The following UBE2O variants were observed in gnomAD, a reference collection of about 807,000 sequenced individuals.
The protein encoded by UBE2O is ubiquitin conjugating enzyme E2 O, also known as (E3-independent) E2 ubiquitin-conjugating enzyme.
In UBE2O, 15 loss-of-function variants were observed where a neutral mutation model predicts 125.8. The ratio of observed to expected loss-of-function variants is 0.12; its 90% confidence interval spans 0.08 to 0.18. The LOEUF is 0.18. Ranked by LOEUF, UBE2O falls within the 10% of genes least tolerant of loss-of-function variation. The pLI is 1.00. For synonymous variants in UBE2O, 708 were observed against 703.2 expected (o/e 1.01, Z -0.11); for missense variants, 1,280 against 1,723.6 (o/e 0.74, Z 4.56).
chr17:76,443,861 G>A (rs766611334), intron 1 of UBE2O, among the ~76,000 whole-genome samples: 3 of 152,200 alleles, frequency 2.0e-5, no homozygotes, highest in African/African-American at 7.2e-5. Context: ...GAAGACAAAA[G>A]GCAAAAAAGA....
At chr17:76,450,205 G>C (rs2073216397) in intron 1 of UBE2O, among the ~76,000 whole-genome samples, 2 of 152,028 alleles carry the variant, frequency 1.3e-5, no homozygotes, top group South Asian at 4.1e-4. Context: ...CACCTTGATG[G>C]AATTCATAAG....
Position 76,428,893 on chromosome 17 carries a change from C to T in UBE2O, c.418-23321G>A, listed in dbSNP as rs191885174. 5.9e-5 allele frequency among the ~76,000 whole-genome samples: 9 copies of T among 151,718 alleles called. No individual in the cohort carries two copies. The East Asian group carries it at 1.4e-3, about 23-fold the overall frequency. On this transcript the variant is annotated intron_variant, in intron 1 of 17. Transcript: ENST00000319380. ...AAACTGCATGAAGGGTAGAGGGGAC[C>T]CCTCTACTATTTTTTTTTTTTTTTT...
intron 1 of UBE2O, among the ~76,000 whole-genome samples, chr17:76,418,061 T>A (rs1221556670): frequency 6.6e-6 from 1 of 152,164 alleles, no homozygotes; most frequent in African/African-American, 2.4e-5. Context: ...GTCACAGAGC[T>A]GGGACACGTG....
intron 1 of UBE2O, among the ~76,000 whole-genome samples, chr17:76,446,050 AG>A (rs2073145016): frequency 6.6e-6 from 1 of 152,254 alleles, no homozygotes; most frequent in South Asian, 2.1e-4. Context: ...TAAACTGGAA[AG>A]CACATTATAG....
chr17:76,401,268 C>A, intron 5 of UBE2O, 114 bp from the exon 6 acceptor site: 1 of 1,218,390 alleles, frequency 8.2e-7, no homozygotes, highest in South Asian at 1.5e-5. Context: ...CTCACACACA[C>A]GCCCCACACG....
intron 1 of UBE2O, among the ~76,000 whole-genome samples, chr17:76,449,565 ACT>A (rs1207541394): frequency 6.6e-6 from 1 of 151,738 alleles, no homozygotes; most frequent in Non-Finnish European, 1.5e-5. Context: ...ACAGAGAGAG[ACT>A]CTGTTTAAAA....
intron 1 of UBE2O, among the ~76,000 whole-genome samples, chr17:76,449,269 G>C (rs1427247347): frequency 6.6e-6 from 1 of 152,214 alleles, no homozygotes; most frequent in African/African-American, 2.4e-5. Context: ...ACATTAAATA[G>C]ATACTACTAA....
intron 1 of UBE2O, among the ~76,000 whole-genome samples, chr17:76,422,135 C>G (rs573389433): frequency 2.5e-4 from 38 of 152,294 alleles, no homozygotes; most frequent in African/African-American, 7.7e-4. Flanking sequence ...TGCTAAGTAA[C>G]CCCAAAATGC....
Position 76,399,198 on chromosome 17 carries a change from A to G in UBE2O, c.1629-207T>C. The G allele has an allele frequency of 1.3e-6, 1 of 758,398 alleles. No individual in the cohort carries two copies. Among genetic ancestry groups the G allele is most frequent in the South Asian group, 1.9e-5 (1 of 53,920 alleles). 47.0% of individuals were successfully genotyped at this position (758,398 alleles called of 1,614,324 possible). A position where few individuals can be genotyped will look rare whatever the true frequency, so the allele number is the denominator to read the frequency against. ...TCTGAGAACAGGATCCACTTGGGAG[A>G]GCTCAGGCAAATGTGGTTCCAGAAG... On this transcript the variant is annotated intron_variant, in intron 9 of 17. Transcript: ENST00000319380. This position sits in a 1 kb window ranked among gnomAD's most constrained non-coding sequence, Gnocchi z 6.9.
chr17:76,392,117 G>GA lies in UBE2O; in HGVS notation c.2947-5_2947-4insT. On this transcript the variant is annotated splice_region_variant and splice_polypyrimidine_tract_variant and intron_variant, in intron 15 of 17. Coordinates refer to ENST00000319380, the MANE Select transcript of UBE2O (RefSeq NM_022066.4). ...TGATGAGAGCTGAGAAGAGGTCCTAGGTAGGGAGGGAGGGAGGGAGGCCAA... is the reference window on the plus strand; with the variant it reads ...TGATGAGAGCTGAGAAGAGGTCCTAGAGTAGGGAGGGAGGGAGGGAGGCCAA... 2.7e-6 allele frequency: 4 copies of GA among 1,477,182 alleles called. No homozygotes were observed. The highest frequency in any genetic ancestry group is 3.6e-6 in the Non-Finnish European group (4 of 1,107,050). 91.5% of individuals were successfully genotyped at this position (1,477,182 alleles called of 1,614,324 possible).
chr17:76,421,745 T>G (rs528231663), intron 1 of UBE2O, among the ~76,000 whole-genome samples: 1 of 152,338 alleles, frequency 6.6e-6, no homozygotes, highest in South Asian at 2.1e-4. Flanking sequence ...ACTGATGCCT[T>G]GGGACTGCTG....
At chr17:76,433,395 C>G (rs569634311) in intron 1 of UBE2O, among the ~76,000 whole-genome samples, 2 of 148,682 alleles carry the variant, frequency 1.3e-5, no homozygotes, top group East Asian at 3.9e-4. Flanking sequence ...GGCAAACCCA[C>G]AGAGACAGAA....
In UBE2O at chr17:76,453,031, C is replaced by T. The variant is rs1162094554; in HGVS notation, c.111G>A (p.Ala37=). The change falls in exon 1 of 18, where the codon GCG becomes GCA. Residue 37 remains alanine (A), a synonymous_variant. Coordinates refer to ENST00000319380, the MANE Select transcript of UBE2O (RefSeq NM_022066.4). Reference sequence around the variant, plus strand: ...GCCCGGAGGCCGAGTCCGAGGCGGGCGCCGGCGCCGGGACGGGGGCTGCGG... The same window carrying T: ...GCCCGGAGGCCGAGTCCGAGGCGGGTGCCGGCGCCGGGACGGGGGCTGCGG... The part of the protein sequence containing the change: ...APAAAPVPAP[A]PASDSASGPS... 7.0e-7 allele frequency: 1 copy of T among 1,433,298 alleles called. No homozygotes were observed. Among genetic ancestry groups the T allele is most frequent in the South Asian group, 1.4e-5 (1 of 69,356 alleles). 88.8% of individuals were successfully genotyped at this position (1,433,298 alleles called of 1,614,324 possible). A position where few individuals can be genotyped will look rare whatever the true frequency, so the allele number is the denominator to read the frequency against.
At position 76,399,133 on chromosome 17, in the gene UBE2O, T is replaced by G; in HGVS notation, c.1629-142A>C. Reference sequence around the variant, plus strand: ...CCAGGTTGGCAGGATGAGTCTCTGGTGCACAGGAAGCTCACCCAGGGTTCC... The same window carrying G: ...CCAGGTTGGCAGGATGAGTCTCTGGGGCACAGGAAGCTCACCCAGGGTTCC... On this transcript the variant is annotated intron_variant, in intron 9 of 17. Transcript: ENST00000319380. This position sits in a 1 kb window ranked among gnomAD's most constrained non-coding sequence, Gnocchi z 6.9. The G allele has an allele frequency of 8.7e-7, 1 of 1,155,356 alleles. No individual in the cohort carries two copies. The allele number at this position is 1,155,356 out of a possible 1,614,324, so 71.6% of individuals were successfully genotyped here. A position where few individuals can be genotyped will look rare whatever the true frequency, so the allele number is the denominator to read the frequency against.
chr17:76,419,136 A>T (rs75168214), intron 1 of UBE2O, among the ~76,000 whole-genome samples: 23 of 59,462 alleles, frequency 3.9e-4, no homozygotes, highest in South Asian at 1.2e-3. Flanking sequence ...TTTTTTTTTT[A>T]AATTAGGCCT....
At position 76,390,661 on chromosome 17, in the gene UBE2O, A is replaced by C. The variant is rs2072091557; in HGVS notation, c.*282T>G. On this transcript the variant is annotated 3_prime_UTR_variant, in exon 18 of 18. Coordinates refer to ENST00000319380, the MANE Select transcript of UBE2O (RefSeq NM_022066.4). ...CCTGAGAAGGGGCAGCAAGGGAGCA[A>C]GTGCCGGACATTCTGCTGGGGTGAC... The C allele has an allele frequency of 1.8e-5, 6 of 324,726 alleles. No individual in the cohort carries two copies. The highest frequency in any genetic ancestry group is 2.2e-5 in the African/African-American group (1 of 46,458). The allele number at this position is 324,726 out of a possible 1,614,324, so 20.1% of individuals were successfully genotyped here.
intron 1 of UBE2O, among the ~76,000 whole-genome samples, chr17:76,435,120 G>GT (rs757427829): frequency 4.6e-5 from 7 of 152,186 alleles, no homozygotes; most frequent in Non-Finnish European, 1.0e-4. Flanking sequence ...CAAGCCAGCT[G>GT]TGAGTCACCA....
intron 1 of UBE2O, among the ~76,000 whole-genome samples, chr17:76,448,248 C>T (rs1567858711): frequency 6.6e-6 from 1 of 152,228 alleles, no homozygotes; most frequent in Non-Finnish European, 1.5e-5. Flanking sequence ...TGTTAAGAGT[C>T]TACAAGTGCT....
At chr17:76,415,958 C>A (rs1044368075) in intron 1 of UBE2O, among the ~76,000 whole-genome samples, 1 of 151,738 alleles carries the variant, frequency 6.6e-6, no homozygotes, top group Admixed American at 6.6e-5. Context: ...TATGCACATA[C>A]ACGTATATAC....
Sources: gnomAD v4.1 joint callset for allele counts (sites outside exome capture counted in the v4.1 genomes callset) on GRCh38, gnomAD v4.1.1 for gene constraint, Gnocchi (gnomAD v3.1) non-coding constraint, MANE v1.5 for transcripts, NCBI Gene and HGNC (gene_info 2026-07-23, HGNC 2026-07-21) for gene names.